Variants in MYO18B observed in about 807,000 individuals in gnomAD.
The protein encoded by MYO18B is myosin XVIIIB.
MYO18B carries 204 observed loss-of-function variants against 273.0 expected under a neutral mutation model. The ratio of observed to expected loss-of-function variants is 0.75; its 90% CI spans 0.67 to 0.84. The LOEUF is 0.84. Among genes scored for constraint, MYO18B ranks in the 40% least tolerant of loss-of-function variants. The pLI is 0.00. For missense variants in MYO18B, 3,212 were observed against 3,287.6 expected, an observed-to-expected ratio of 0.98 and a Z score of 0.56; for synonymous variants, 1,330 against 1,305.7, an observed-to-expected ratio of 1.02 and a Z score of -0.40.
chr22:25,854,672 C>T (rs1177789202), intron 21 of MYO18B, among the ~76,000 whole-genome samples: 1 of 152,194 alleles, frequency 6.6e-6, no homozygotes, highest in Non-Finnish European at 1.5e-5. Context: ...ATTCCCGATT[C>T]CTCCTCCCCT....
At chr22:25,898,613 G>A (rs929987387) in intron 29 of MYO18B, 152 bp downstream of exon 29, 3 of 756,680 alleles carry the variant, frequency 4.0e-6, no homozygotes, top group Non-Finnish European at 6.2e-6. Flanking sequence ...CCTTATTCCT[G>A]TATGGTTCTC....
chr22:26,011,976 T>G (rs1446276867), intron 42 of MYO18B, among the ~76,000 whole-genome samples: 1 of 152,206 alleles, frequency 6.6e-6, no homozygotes, highest in Non-Finnish European at 1.5e-5. Flanking sequence ...TCTGTAAACA[T>G]TTGCAGCCCC....
In MYO18B at chr22:26,003,325, G is replaced by A; in HGVS notation, c.6332+16G>A. The A allele has an allele frequency of 1.2e-6, 2 of 1,600,804 alleles. No individual in the cohort carries two copies. Among genetic ancestry groups the A allele is most frequent in the Non-Finnish European group, 1.7e-6 (2 of 1,173,716 alleles). On this transcript the variant is annotated intron_variant, in intron 41 of 43. Transcript: ENST00000335473. ...GAAAAGAGATGTAAGTTAACCCCAG[G>A]TAGAACTGAGCAGCTCACAAGGGTG...
chr22:25,991,948 C>G (rs1199958030), intron 39 of MYO18B, among the ~76,000 whole-genome samples: 2 of 152,178 alleles, frequency 1.3e-5, no homozygotes, highest in Non-Finnish European at 2.9e-5. Context: ...CCCATGACCT[C>G]CTGCACCAGA....
At chr22:25,776,364 G>A (rs1285472289) in intron 7 of MYO18B, among the ~76,000 whole-genome samples, 6 of 152,322 alleles carry the variant, frequency 3.9e-5, no homozygotes, top group African/African-American at 1.4e-4. Context: ...TTGGGAGGCC[G>A]AGGCTGGCGG....
chr22:25,924,705 G>T (rs923754166), intron 34 of MYO18B, among the ~76,000 whole-genome samples: 4 of 152,164 alleles, frequency 2.6e-5, no homozygotes, highest in Admixed American at 6.5e-5. Context: ...TGAGCGAAGC[G>T]TGACAGAATC....
chr22:26,018,525 G>T (rs1437567540), intron 42 of MYO18B, among the ~76,000 whole-genome samples: 1 of 152,130 alleles, frequency 6.6e-6, no homozygotes, highest in African/African-American at 2.4e-5. Context: ...CTGGTCAAGG[G>T]TTTTGCAGAT....
chr22:25,812,778 G>C (rs1478341265), intron 12 of MYO18B, among the ~76,000 whole-genome samples: 1 of 152,206 alleles, frequency 6.6e-6, no homozygotes, highest in Non-Finnish European at 1.5e-5. Context: ...GGGCTGGAAA[G>C]GGACTTGGAC....
intron 17 of MYO18B, among the ~76,000 whole-genome samples, chr22:25,838,899 A>G (rs1048002440): frequency 6.6e-6 from 1 of 151,836 alleles, no homozygotes; most frequent in South Asian, 2.1e-4. Flanking sequence ...ATCTGTGTCT[A>G]TATGTGTATG....
At chr22:25,982,562 C>T (rs1158479714) in intron 39 of MYO18B, among the ~76,000 whole-genome samples, 1 of 152,066 alleles carries the variant, frequency 6.6e-6, no homozygotes, top group East Asian at 1.9e-4. Context: ...TTCTGGAGGC[C>T]CTAGGGGACA....
At chr22:25,968,786 TTC>T (rs1156692868) in intron 39 of MYO18B, among the ~76,000 whole-genome samples, 3 of 152,124 alleles carry the variant, frequency 2.0e-5, no homozygotes, top group East Asian at 1.9e-4. Flanking sequence ...TGGACTCACT[TTC>T]TCTCTCTGTA....
At chr22:26,014,057 T>C (rs941023402) in intron 42 of MYO18B, among the ~76,000 whole-genome samples, 1 of 152,236 alleles carries the variant, frequency 6.6e-6, no homozygotes, top group Non-Finnish European at 1.5e-5. Context: ...TTATATACTG[T>C]TGAAAAATTA....
chr22:25,909,462 G>T (rs971110208), intron 32 of MYO18B, among the ~76,000 whole-genome samples: 1 of 152,180 alleles, frequency 6.6e-6, no homozygotes, highest in African/African-American at 2.4e-5. Flanking sequence ...TTTCTGAAAC[G>T]AACTTGCTTT....
chr22:25,960,318 G>A (rs1569238929), intron 39 of MYO18B, among the ~76,000 whole-genome samples: 2 of 152,156 alleles, frequency 1.3e-5, no homozygotes, highest in South Asian at 4.2e-4. Context: ...AGTAGTTACA[G>A]GGCCCGGGGG....
At chr22:25,930,199 A>G (rs1242565232) in intron 34 of MYO18B, among the ~76,000 whole-genome samples, 2 of 152,120 alleles carry the variant, frequency 1.3e-5, no homozygotes, top group Non-Finnish European at 2.9e-5. Flanking sequence ...TTGGTCCTCC[A>G]TGGGCTGGGT....
chr22:25,983,437 AGT>A (rs1404979343), intron 39 of MYO18B: 1 of 152,190 alleles, frequency 6.6e-6, no homozygotes, highest in African/African-American at 2.4e-5. Flanking sequence ...GACATGGAAA[AGT>A]GTGCAAATCA....
chr22:25,787,813 C>T (rs1465009206), intron 11 of MYO18B, among the ~76,000 whole-genome samples: 1 of 152,162 alleles, frequency 6.6e-6, no homozygotes, highest in Non-Finnish European at 1.5e-5. Context: ...GATCTGGGGT[C>T]ATGAGGAGCC....
intron 39 of MYO18B, among the ~76,000 whole-genome samples, chr22:25,962,404 G>C (rs2092927882): frequency 6.6e-6 from 1 of 152,224 alleles, no homozygotes; most frequent in Non-Finnish European, 1.5e-5. Flanking sequence ...GTATAGGGTA[G>C]ATGCTCAGTA....
chr22:25,992,735 G>A (rs2093283113), intron 40 of MYO18B, among the ~76,000 whole-genome samples: 1 of 152,210 alleles, frequency 6.6e-6, no homozygotes, highest in Non-Finnish European at 1.5e-5. Context: ...GAGGCAATGT[G>A]ACTGGAACAA....
Sources: gnomAD v4.1 joint callset for allele counts (sites outside exome capture counted in the v4.1 genomes callset) on GRCh38, gnomAD v4.1.1 for gene constraint, MANE v1.5 for transcripts, NCBI Gene and HGNC (gene_info 2026-07-23, HGNC 2026-07-21) for gene names.